Variants in DNAAF4 observed in about 807,000 individuals in gnomAD.
DNAAF4 encodes dynein axonemal assembly factor 4, also known as dynein assembly factor 4, axonemal.
In DNAAF4, 43 loss-of-function variants were observed where a neutral mutation model predicts 51.8. The observed-to-expected ratio is 0.83, with a 90% CI of 0.65 to 1.07. The LOEUF (loss-of-function observed/expected upper bound fraction) is 1.07. Ranked by LOEUF, DNAAF4 falls within the 50% of genes least tolerant of loss-of-function variation. DNAAF4 has a pLI of 0.00. For synonymous variants in DNAAF4, 194 were observed against 165.6 expected (o/e 1.17, Z -1.32); for missense variants, 581 against 493.0 (o/e 1.18, Z -1.69).
downstream of DNAAF4, among the ~76,000 whole-genome samples, chr15:55,428,699 G>C (rs183610829): frequency 6.7e-6 from 1 of 150,048 alleles, no homozygotes; most frequent in Non-Finnish European, 1.5e-5. Context: ...GTTTCACCAT[G>C]TTAGCCAGGA....
intron 8 of DNAAF4, among the ~76,000 whole-genome samples, chr15:55,433,456 C>T (rs912192003): frequency 6.6e-6 from 1 of 151,832 alleles, no homozygotes; most frequent in Non-Finnish European, 1.5e-5. Flanking sequence ...GAAACCCCGT[C>T]TCTACTAAAA....
rs184189572 is a variant in DNAAF4, at chr15:55,501,196, T to C, written c.-255-2612A>G. ...CTCCTGCCTCAGCCTCCTGAGTAGC[T>C]GGCACTATGGGCATGCACCACGAAG... On this transcript the variant is annotated intron_variant, in intron 1 of 9. Coordinates refer to ENST00000321149, the MANE Select transcript of DNAAF4 (RefSeq NM_130810.4). Among the ~76,000 whole-genome samples, 519 of 149,562 alleles carry C rather than the reference T, an allele frequency of 3.5e-3. 1 individual carries two copies. Among genetic ancestry groups the C allele is most frequent in the Non-Finnish European group, 6.0e-3 (405 of 67,450 alleles).
chr15:55,476,856 T>C (rs1326482748), intron 4 of DNAAF4, among the ~76,000 whole-genome samples: 1 of 151,348 alleles, frequency 6.6e-6, no homozygotes, highest in East Asian at 1.9e-4. Flanking sequence ...GGGTACAGAG[T>C]TTTAATTGTG....
chr15:55,499,860 T>C (rs1324561036), intron 1 of DNAAF4, among the ~76,000 whole-genome samples: 2 of 152,212 alleles, frequency 1.3e-5, no homozygotes, highest in Non-Finnish European at 2.9e-5. Flanking sequence ...CAAACCATTT[T>C]CGTATAGATT....
intron 6 of DNAAF4, among the ~76,000 whole-genome samples, chr15:55,448,843 C>A (rs1406149662): frequency 6.6e-6 from 1 of 150,632 alleles, no homozygotes; most frequent in Non-Finnish European, 1.5e-5. Flanking sequence ...GCACTCCAGC[C>A]TAGGGGACAG....
chr15:55,435,075 A>T lies in DNAAF4; in HGVS notation c.894-17T>A. 1 of 1,569,558 alleles carries T rather than the reference A, an allele frequency of 6.4e-7. No individual in the cohort carries two copies. Among genetic ancestry groups the T allele is most frequent in the Non-Finnish European group, 8.6e-7 (1 of 1,163,900 alleles). ...AACAATTTGCTAATGAGACAAAAAC[A>T]GAGAAGAAAAACAATTTAACATTGA... On this transcript the variant is annotated splice_polypyrimidine_tract_variant and intron_variant, in intron 7 of 9. Coordinates refer to ENST00000321149, the MANE Select transcript of DNAAF4 (RefSeq NM_130810.4).
chr15:55,419,002 C>T (rs1036362657), intron 7 of DNAAF4, among the ~76,000 whole-genome samples: 2 of 151,146 alleles, frequency 1.3e-5, no homozygotes, highest in African/African-American at 2.4e-5. Context: ...CTGCGACCTC[C>T]GCCTCCCAGG....
Position 55,481,318 on chromosome 15 carries a change from G to T in DNAAF4, c.405+9805C>A, listed in dbSNP as rs148326849. 8.6e-3 allele frequency among the ~76,000 whole-genome samples: 1,309 copies of T among 152,224 alleles called. 13 individuals are homozygous for T. The highest frequency in any genetic ancestry group is 0.012 in the South Asian group (58 of 4,834). On this transcript the variant is annotated intron_variant, in intron 4 of 9. Coordinates refer to ENST00000321149, the MANE Select transcript of DNAAF4 (RefSeq NM_130810.4). Reference sequence around the variant, plus strand: ...TGCTGCCCCAAAATTAGCTGACCAGGCCTCTAAAATATGACAACAGTTGTC... The same window carrying T: ...TGCTGCCCCAAAATTAGCTGACCAGTCCTCTAAAATATGACAACAGTTGTC...
intron 4 of DNAAF4, among the ~76,000 whole-genome samples, chr15:55,490,124 G>A (rs998705071): frequency 2.0e-5 from 3 of 151,932 alleles, no homozygotes; most frequent in Middle Eastern, 3.2e-3. Context: ...CGCCCGCCTC[G>A]GCCTCCCAAA....
chr15:55,428,786 C>A (rs1180710675), downstream of DNAAF4, among the ~76,000 whole-genome samples: 1 of 151,706 alleles, frequency 6.6e-6, no homozygotes, highest in Non-Finnish European at 1.5e-5. Context: ...TGAGCCACTG[C>A]GCCCAGCCTC....
chr15:55,490,353 A>T (rs2058554300), intron 4 of DNAAF4, among the ~76,000 whole-genome samples: 1 of 152,110 alleles, frequency 6.6e-6, no homozygotes, highest in Admixed American at 6.6e-5. Context: ...ATGGTTACAC[A>T]ACTCTGAATG....
chr15:55,419,149 C>G (rs2057366079), intron 7 of DNAAF4, among the ~76,000 whole-genome samples: 2 of 152,144 alleles, frequency 1.3e-5, no homozygotes, highest in Non-Finnish European at 2.9e-5. Flanking sequence ...ATTTCCTGAC[C>G]TGGTGATCCG....
At chr15:55,464,724 T>C (rs575149517) in intron 5 of DNAAF4, among the ~76,000 whole-genome samples, 1 of 152,244 alleles carries the variant, frequency 6.6e-6, no homozygotes, top group Non-Finnish European at 1.5e-5. Flanking sequence ...TCCCATCACT[T>C]TTCGAGGCTG....
intron 4 of DNAAF4, among the ~76,000 whole-genome samples, chr15:55,473,198 A>AAAAAAAAAATATATATATAT (rs1209754897): frequency 1.3e-5 from 1 of 75,750 alleles, no homozygotes; most frequent in African/African-American, 5.4e-5. Context: ...AAAAAAAAAA[A>AAAAAAAAAATATATATATAT]ATATATATAT....
At chr15:55,425,628 G>A (rs2057424469), downstream of DNAAF4, among the ~76,000 whole-genome samples, 1 of 151,860 alleles carries the variant, frequency 6.6e-6, no homozygotes, top group African/African-American at 2.4e-5. Flanking sequence ...TTCTACACTA[G>A]GGAACCAAGA....
intron 1 of DNAAF4, among the ~76,000 whole-genome samples, chr15:55,501,641 C>T (rs2141611059): frequency 6.6e-6 from 1 of 151,696 alleles, no homozygotes; most frequent in Middle Eastern, 3.4e-3. Flanking sequence ...TCCCAAAGTG[C>T]CGGGATTACA....
downstream of DNAAF4, among the ~76,000 whole-genome samples, chr15:55,428,242 C>T (rs1440143407): frequency 6.6e-6 from 1 of 152,146 alleles, no homozygotes; most frequent in Non-Finnish European, 1.5e-5. Context: ...GCATGAGCCA[C>T]CATGCCCAGC....
chr15:55,462,986 A>C (rs1169792919), intron 5 of DNAAF4, among the ~76,000 whole-genome samples: 1 of 152,220 alleles, frequency 6.6e-6, no homozygotes, highest in Non-Finnish European at 1.5e-5. Context: ...AGCCTGGCCA[A>C]CATGGCGAAA....
At chr15:55,439,617 G>T (rs1273449508) in intron 6 of DNAAF4, 36 bp from the exon 7 acceptor site, 3 of 1,564,324 alleles carry the variant, frequency 1.9e-6, no homozygotes, top group Admixed American at 1.9e-5. Context: ...AGAATAAAAA[G>T]GTCTTTTTTT....
Sources: gnomAD v4.1 joint callset for allele counts (sites outside exome capture counted in the v4.1 genomes callset) on GRCh38, gnomAD v4.1.1 for gene constraint, MANE v1.5 for transcripts, NCBI Gene and HGNC (gene_info 2026-07-23, HGNC 2026-07-21) for gene names.